Variants in OSBPL9 observed in about 807,000 individuals in gnomAD.
OSBPL9 encodes oxysterol-binding protein-related protein 9.
A neutral mutation model predicts 106.6 loss-of-function variants in OSBPL9; 40 were observed. That is an observed-to-expected ratio of 0.38 (90% CI 0.29 to 0.49). The LOEUF is 0.49. Ranked by LOEUF, OSBPL9 falls within the 20% of genes least tolerant of loss-of-function variation. The pLI, the probability that OSBPL9 is intolerant of heterozygous loss-of-function variation, is 0.97. For missense variants in OSBPL9, 609 were observed against 887.2 expected (o/e 0.69, Z 3.98); for synonymous variants, 269 against 295.4 (o/e 0.91, Z 0.92).
At chr1:51,708,264 C>CT (rs71063050) in intron 3 of OSBPL9, 23,475 of 130,196 alleles carry the variant, frequency 0.18, 2,417 homozygotes, top group Middle Eastern at 0.35. Context: ...TTTTCTTTTT[C>CT]TTTTTTTTTT....
intron 2 of OSBPL9, among the ~76,000 whole-genome samples, chr1:51,654,986 A>T (rs1396921287): frequency 6.6e-6 from 1 of 152,150 alleles, no homozygotes; most frequent in Non-Finnish European, 1.5e-5. Context: ...AGCTCTGGAG[A>T]TGGATGGTGA....
At chr1:51,670,455 A>G (rs745356649) in intron 3 of OSBPL9, among the ~76,000 whole-genome samples, 1 of 152,230 alleles carries the variant, frequency 6.6e-6, no homozygotes, top group Non-Finnish European at 1.5e-5. Context: ...TATGAAGTCT[A>G]ACAGAGGCCA....
At chr1:51,539,232 C>G in the OSBPL9 span, among the ~76,000 whole-genome samples, 2 of 152,264 alleles carry the variant, frequency 1.3e-5, no homozygotes, top group East Asian at 3.9e-4. Flanking sequence ...TGCTTCGCCT[C>G]GAGTCCTAAT....
the OSBPL9 span, among the ~76,000 whole-genome samples, chr1:51,559,168 G>A: frequency 5.7e-4 from 86 of 152,042 alleles, no homozygotes; most frequent in African/African-American, 1.9e-3. Context: ...TCTGAAGGCT[G>A]GAAATTGGGG....
chr1:51,712,544 C>G (rs1660287817), intron 3 of OSBPL9, among the ~76,000 whole-genome samples: 1 of 152,164 alleles, frequency 6.6e-6, no homozygotes, highest in African/African-American at 2.4e-5. Flanking sequence ...TGTACTTAAT[C>G]TGCTGTTGAA....
the OSBPL9 span, among the ~76,000 whole-genome samples, chr1:51,531,840 C>G: frequency 1.3e-5 from 2 of 152,118 alleles, no homozygotes; most frequent in South Asian, 2.1e-4. Flanking sequence ...AACTACCAAG[C>G]CCTGGGCCAC....
chr1:51,590,038 A>G (rs1645266095), intron 1 of OSBPL9, among the ~76,000 whole-genome samples: 1 of 150,266 alleles, frequency 6.7e-6, no homozygotes, highest in South Asian at 2.1e-4. Flanking sequence ...GTCTCAAAAA[A>G]AAAAAAAAAA....
At chr1:51,670,344 G>T (rs115690043) in intron 3 of OSBPL9, among the ~76,000 whole-genome samples, 8 of 152,282 alleles carry the variant, frequency 5.3e-5, no homozygotes, top group Non-Finnish European at 1.0e-4. Context: ...GGAGAGGTTA[G>T]CACTTTCTCT....
the OSBPL9 span, among the ~76,000 whole-genome samples, chr1:51,520,114 C>T: frequency 6.6e-6 from 1 of 152,314 alleles, no homozygotes; most frequent in South Asian, 2.1e-4. Flanking sequence ...CCTTTCTTCT[C>T]TACCTTGTGA....
At chr1:51,655,015 C>T (rs1646733082) in intron 2 of OSBPL9, among the ~76,000 whole-genome samples, 2 of 152,210 alleles carry the variant, frequency 1.3e-5, no homozygotes, top group South Asian at 4.2e-4. Flanking sequence ...ATCATCACAT[C>T]ATGAACAATG....
chr1:51,683,867 A>G (rs895356120), intron 3 of OSBPL9, among the ~76,000 whole-genome samples: 1 of 152,180 alleles, frequency 6.6e-6, no homozygotes, highest in Non-Finnish European at 1.5e-5. Context: ...AAATGTATAA[A>G]CTTTAAAAAT....
chr1:51,584,307 C>T (rs1645236094), intron 1 of OSBPL9, among the ~76,000 whole-genome samples: 1 of 152,138 alleles, frequency 6.6e-6, no homozygotes, highest in Admixed American at 6.6e-5. Flanking sequence ...AGGATGAGAC[C>T]TGGATTCAAC....
At position 51,788,843 on chromosome 1, in the gene OSBPL9, T is replaced by TATCTA. The variant is rs1553199221; in HGVS notation, c.*1055_*1059dup. Among the ~76,000 whole-genome samples the TATCTA allele has an allele frequency of 5.4e-5, 6 of 110,146 alleles. No homozygotes were observed. Among genetic ancestry groups the TATCTA allele is most frequent in the Admixed American group, 3.5e-4 (4 of 11,594 alleles). 72.3% of individuals were successfully genotyped at this position (110,146 alleles called of 152,430 possible). On this transcript the variant is annotated 3_prime_UTR_variant, in exon 24 of 24. Transcript: ENST00000428468. Reference sequence around the variant, plus strand: ...CTGAAGGGAAATACAGAACTATATCTATCTATCTATCTATCATCTTTTTTA... The same window carrying TATCTA: ...CTGAAGGGAAATACAGAACTATATCTATCTAATCTATCTATCTATCATCTTTTTTA...
At chr1:51,673,397 A>G (rs975515033) in intron 3 of OSBPL9, among the ~76,000 whole-genome samples, 27 of 152,208 alleles carry the variant, frequency 1.8e-4, no homozygotes, top group African/African-American at 6.3e-4. Flanking sequence ...GGAAGGGGAA[A>G]TGGGAGCAAG....
chr1:51,616,818 A>G, upstream of OSBPL9: 1 of 292,340 alleles, frequency 3.4e-6, no homozygotes. Context: ...CATGGCCAGT[A>G]AAATTATTTA....
the OSBPL9 span, among the ~76,000 whole-genome samples, chr1:51,529,746 TA>T: frequency 2.6e-5 from 4 of 151,240 alleles, no homozygotes; most frequent in African/African-American, 9.7e-5. Flanking sequence ...TGCAACTACA[TA>T]TTCACATGCA....
intron 14 of OSBPL9, among the ~76,000 whole-genome samples, chr1:51,774,874 T>C (rs573488757): frequency 9.6e-4 from 146 of 152,330 alleles, no homozygotes; most frequent in African/African-American, 3.2e-3. Context: ...GAAAAAAATA[T>C]TTATTTTTTT....
At chr1:51,545,683 G>C in the OSBPL9 span, among the ~76,000 whole-genome samples, 16 of 152,330 alleles carry the variant, frequency 1.1e-4, no homozygotes, top group East Asian at 2.7e-3. Context: ...GCTGAGGTGA[G>C]AGGATCGCTT....
intron 3 of OSBPL9, among the ~76,000 whole-genome samples, chr1:51,679,932 A>G (rs550313409): frequency 2.0e-5 from 3 of 152,320 alleles, no homozygotes; most frequent in Non-Finnish European, 2.9e-5. Context: ...GAAAAAATAT[A>G]TAGTATATAT....
Sources: allele counts gnomAD v4.1 joint callset (sites outside exome capture counted in the v4.1 genomes callset), GRCh38; gene constraint gnomAD v4.1.1; transcripts MANE v1.5; gene names NCBI Gene and HGNC (gene_info 2026-07-23, HGNC 2026-07-21).